MAPRE2: variants seen among roughly 807,000 people sequenced by gnomAD.
MAPRE2 encodes microtubule-associated protein RP/EB family member 2.
MAPRE2 carries 13 observed loss-of-function variants against 43.2 expected under a neutral mutation model. That is an observed-to-expected ratio of 0.30 (90% CI 0.20 to 0.48). The LOEUF (loss-of-function observed/expected upper bound fraction) is 0.48. Ranked by LOEUF, MAPRE2 falls within the 20% of genes least tolerant of loss-of-function variation. MAPRE2 has a pLI of 0.99. For synonymous variants in MAPRE2, 135 were observed against 148.8 expected (o/e 0.91, Z 0.68); for missense variants, 161 against 400.2 (o/e 0.40, Z 5.10).
At chr18:35,028,852 C>A (rs780793665) in intron 2 of MAPRE2, among the ~76,000 whole-genome samples, 18 of 152,168 alleles carry the variant, frequency 1.2e-4, no homozygotes, top group Non-Finnish European at 2.2e-4. Flanking sequence ...TGAAGACAGG[C>A]TGTGTAGAGA....
chr18:34,986,207 T>G (rs2097020914), intron 1 of MAPRE2, among the ~76,000 whole-genome samples: 2 of 152,162 alleles, frequency 1.3e-5, no homozygotes, highest in African/African-American at 4.8e-5. Context: ...GAGGATTAGC[T>G]TGCTCCTTTA....
At chr18:35,073,306 ATTAT>A (rs918377467) in intron 2 of MAPRE2, among the ~76,000 whole-genome samples, 1 of 152,116 alleles carries the variant, frequency 6.6e-6, no homozygotes, top group Non-Finnish European at 1.5e-5. Flanking sequence ...TATTTATGAA[ATTAT>A]TTATTTATAC....
chr18:35,028,213 G>A (rs2097046239), intron 2 of MAPRE2, among the ~76,000 whole-genome samples: 1 of 152,220 alleles, frequency 6.6e-6, no homozygotes, highest in Admixed American at 6.5e-5. Context: ...TAGAATGGAA[G>A]GGTAAGAAAA....
upstream of MAPRE2, among the ~76,000 whole-genome samples, chr18:35,036,803 AATTGATTATATATTC>A (rs1166902923): frequency 1.3e-5 from 2 of 152,186 alleles, no homozygotes; most frequent in Non-Finnish European, 2.9e-5. Context: ...TGAATAAATG[AATTGATTATATATTC>A]ATTGAGTGCC....
intron 4 of MAPRE2, among the ~76,000 whole-genome samples, chr18:35,125,715 C>A (rs552697514): frequency 2.6e-5 from 4 of 152,368 alleles, no homozygotes; most frequent in African/African-American, 9.6e-5. Context: ...ATTGGGACAT[C>A]TATTTTGGCC....
At chr18:35,062,833 A>G (rs1308988391) in intron 1 of MAPRE2, among the ~76,000 whole-genome samples, 3 of 152,230 alleles carry the variant, frequency 2.0e-5, no homozygotes, top group African/African-American at 7.2e-5. Context: ...TCTTAGGTGA[A>G]AGAAAAATAT....
intron 3 of MAPRE2, among the ~76,000 whole-genome samples, chr18:35,100,557 T>C (rs2144176514): frequency 6.6e-6 from 1 of 152,240 alleles, no homozygotes; most frequent in East Asian, 1.9e-4. Flanking sequence ...AGACATGGAA[T>C]CAACCTAAAT....
At chr18:35,062,945 G>T (rs1401625159) in intron 1 of MAPRE2, among the ~76,000 whole-genome samples, 1 of 152,190 alleles carries the variant, frequency 6.6e-6, no homozygotes, top group Non-Finnish European at 1.5e-5. Context: ...GTTGGTAGTG[G>T]ATTACTTTCC....
chr18:35,125,748 C>T (rs1275304317), intron 4 of MAPRE2, among the ~76,000 whole-genome samples: 8 of 152,166 alleles, frequency 5.3e-5, no homozygotes, highest in African/African-American at 1.2e-4. Flanking sequence ...CTTGTGTCTG[C>T]GCGTTGTTCT....
intron 6 of MAPRE2, among the ~76,000 whole-genome samples, chr18:35,136,072 T>C (rs1432025895): frequency 6.6e-6 from 1 of 152,218 alleles, no homozygotes; most frequent in African/African-American, 2.4e-5. Flanking sequence ...AATATGGTGT[T>C]TGGAAGATGT....
intron 2 of MAPRE2, among the ~76,000 whole-genome samples, chr18:35,088,519 A>C (rs954901609): frequency 2.0e-5 from 3 of 152,184 alleles, no homozygotes; most frequent in Admixed American, 2.0e-4. Flanking sequence ...TTAGCAGGAG[A>C]GGGATGTGAT....
intron 6 of MAPRE2, among the ~76,000 whole-genome samples, chr18:35,137,248 A>G (rs1266643583): frequency 6.6e-6 from 1 of 152,204 alleles, no homozygotes; most frequent in Non-Finnish European, 1.5e-5. Flanking sequence ...GATGCATGAC[A>G]TCACAGAGGG....
intron 2 of MAPRE2, among the ~76,000 whole-genome samples, chr18:35,080,814 GT>G (rs397858068): frequency 1.8e-3 from 143 of 80,214 alleles, no homozygotes; most frequent in African/African-American, 0.012. Flanking sequence ...TTCAGATTGC[GT>G]TTTTTTTTTT....
At chr18:35,042,494 T>C (rs1196528412) in intron 1 of MAPRE2, among the ~76,000 whole-genome samples, 1 of 152,196 alleles carries the variant, frequency 6.6e-6, no homozygotes, top group East Asian at 1.9e-4. Context: ...CATTAACATA[T>C]CTGGCAATAT....
At chr18:35,108,500 C>T (rs1305064522) in intron 4 of MAPRE2, among the ~76,000 whole-genome samples, 3 of 152,114 alleles carry the variant, frequency 2.0e-5, no homozygotes, top group African/African-American at 7.2e-5. Flanking sequence ...AATGGGATTG[C>T]TGGGTCAAAT....
intron 1 of MAPRE2, among the ~76,000 whole-genome samples, chr18:34,990,097 A>G (rs971164092): frequency 1.3e-5 from 2 of 152,220 alleles, no homozygotes; most frequent in Admixed American, 1.3e-4. Context: ...TCATTTTCCA[A>G]TACAATGATT....
intron 4 of MAPRE2, among the ~76,000 whole-genome samples, chr18:35,107,498 G>A (rs1908961951): frequency 6.6e-6 from 1 of 152,106 alleles, no homozygotes; most frequent in Non-Finnish European, 1.5e-5. Context: ...CTTCTTTTGG[G>A]AAATAAGAAT....
chr18:35,025,202 G>A (rs1021372629), intron 2 of MAPRE2, among the ~76,000 whole-genome samples: 2 of 152,192 alleles, frequency 1.3e-5, no homozygotes, highest in Non-Finnish European at 2.9e-5. Context: ...TACTGTGAAT[G>A]TGGAAGGAGG....
chr18:35,097,409 T>A, intron 2 of MAPRE2, 37 bp from the exon 3 acceptor site: 1 of 1,601,712 alleles, frequency 6.2e-7, no homozygotes, highest in East Asian at 2.2e-5. Flanking sequence ...CTGGGTACAG[T>A]GAGACTCACT....
Sources: gnomAD v4.1 joint callset for allele counts (sites outside exome capture counted in the v4.1 genomes callset) on GRCh38, gnomAD v4.1.1 for gene constraint, MANE v1.5 for transcripts, NCBI Gene and HGNC (gene_info 2026-07-23, HGNC 2026-07-21) for gene names.